HDAC4: variants seen among roughly 807,000 people sequenced by gnomAD.
HDAC4 encodes the protein histone deacetylase 4.
A neutral mutation model predicts 135.1 loss-of-function variants in HDAC4; 16 were observed. That is an observed-to-expected ratio of 0.12 (90% confidence interval 0.08 to 0.18). The LOEUF is 0.18. HDAC4 is among the 10% of genes least tolerant of loss of function. HDAC4 has a pLI of 1.00. For missense variants in HDAC4, 1,143 were observed against 1,511.8 expected, an observed-to-expected ratio of 0.76 and a Z score of 4.05; for synonymous variants, 685 against 653.4, an observed-to-expected ratio of 1.05 and a Z score of -0.74.
intron 1 of HDAC4, among the ~76,000 whole-genome samples, chr2:239,353,536 G>A (rs981336223): frequency 3.3e-5 from 5 of 152,082 alleles, no homozygotes; most frequent in Admixed American, 6.5e-5. Flanking sequence ...TATTTAGCAG[G>A]ATCCTGGGCC....
intron 1 of HDAC4, among the ~76,000 whole-genome samples, chr2:239,383,944 G>A (rs545107425): frequency 1.9e-4 from 29 of 152,344 alleles, no homozygotes; most frequent in African/African-American, 6.0e-4. Flanking sequence ...AGGGCAGGGC[G>A]GCTGGAAGAG....
At chr2:239,298,619 AG>A in intron 2 of HDAC4, 1 of 994,528 alleles carries the variant, frequency 1.0e-6, no homozygotes, top group Non-Finnish European at 1.2e-6. Flanking sequence ...CAGCAGTGAT[AG>A]GAACAGCCTG....
intron 2 of HDAC4, among the ~76,000 whole-genome samples, chr2:239,270,832 GCA>G (rs1200608124): frequency 6.6e-6 from 1 of 152,138 alleles, no homozygotes; most frequent in Non-Finnish European, 1.5e-5. Flanking sequence ...ACCAAAATAT[GCA>G]CAGACCTCCA....
chr2:239,201,716 C>G (rs1297790295), intron 3 of HDAC4, among the ~76,000 whole-genome samples: 1 of 152,172 alleles, frequency 6.6e-6, no homozygotes, highest in Non-Finnish European at 1.5e-5. Context: ...CCGGCCAAGC[C>G]CAGCCTGCTG....
intron 24 of HDAC4, among the ~76,000 whole-genome samples, chr2:239,065,019 C>G (rs924011383): frequency 1.3e-5 from 2 of 152,246 alleles, no homozygotes; most frequent in Non-Finnish European, 2.9e-5. Context: ...CCTGTGCGGC[C>G]TGACGTTTCC....
intron 19 of HDAC4, among the ~76,000 whole-genome samples, chr2:239,086,167 T>C (rs1228225778): frequency 1.5e-4 from 6 of 39,214 alleles, no homozygotes; most frequent in Non-Finnish European, 1.9e-4. Flanking sequence ...CTCTTCCCTG[T>C]ACACGAAGGA....
intron 1 of HDAC4, among the ~76,000 whole-genome samples, chr2:239,370,264 G>A (rs769856133): frequency 3.3e-5 from 5 of 152,192 alleles, no homozygotes; most frequent in East Asian, 1.9e-4. Flanking sequence ...AAAATGCTGC[G>A]CTGAGGGAGG....
chr2:239,198,659 T>G (rs1192004603), intron 3 of HDAC4, among the ~76,000 whole-genome samples: 2 of 152,218 alleles, frequency 1.3e-5, no homozygotes, highest in African/African-American at 4.8e-5. Flanking sequence ...ATCTGTTTTT[T>G]GGGTCTGCTG....
rs193300408 is a variant in HDAC4, at chr2:239,351,344, T to C, written c.22+1334A>G. On this transcript the variant is annotated intron_variant, in intron 2 of 26. Coordinates refer to ENST00000543185, the MANE Select transcript of HDAC4 (RefSeq NM_001378414.1). ...ACATACTGATACCAAAAGATGCTTA[T>C]AACACATTAAAATGGACAGAATGTA... Among the ~76,000 whole-genome samples, 57 of 152,312 alleles carry C rather than the reference T, an allele frequency of 3.7e-4. No homozygotes were observed. The East Asian group carries it at 8.9e-3, about 24-fold the overall frequency.
chr2:239,319,552 AGC>A (rs2053238056), intron 2 of HDAC4, among the ~76,000 whole-genome samples: 2 of 152,226 alleles, frequency 1.3e-5, no homozygotes, highest in African/African-American at 4.8e-5. Context: ...AGTTAAAAGT[AGC>A]TTACCCGTGA....
intron 2 of HDAC4, among the ~76,000 whole-genome samples, chr2:239,347,221 G>A (rs916839866): frequency 2.0e-5 from 3 of 152,054 alleles, no homozygotes; most frequent in South Asian, 2.1e-4. Flanking sequence ...TAATCTTGGC[G>A]GCCACAATAG....
intron 2 of HDAC4, among the ~76,000 whole-genome samples, chr2:239,264,170 T>A (rs1435407680): frequency 6.6e-6 from 1 of 152,166 alleles, no homozygotes; most frequent in Non-Finnish European, 1.5e-5. Flanking sequence ...CCAAAGGCCA[T>A]CCCAGACACC....
chr2:239,206,806 T>G (rs896065498), intron 3 of HDAC4, among the ~76,000 whole-genome samples: 20 of 152,210 alleles, frequency 1.3e-4, no homozygotes, highest in African/African-American at 4.6e-4. Flanking sequence ...AAAGTGATTT[T>G]AAACACCATC....
At chr2:239,111,841 G>T (rs906753369) in intron 13 of HDAC4, 129 bp from the exon 14 acceptor site, 9 of 866,940 alleles carry the variant, frequency 1.0e-5, no homozygotes, top group East Asian at 8.0e-5. Context: ...CAAGGATGCC[G>T]GGAGGCCAGC....
At chr2:239,297,012 CTGTT>C (rs1185975078) in intron 2 of HDAC4, among the ~76,000 whole-genome samples, 4 of 100,136 alleles carry the variant, frequency 4.0e-5, no homozygotes, top group African/African-American at 1.5e-4. Context: ...ACTCCCATTT[CTGTT>C]TGTTTTCATG....
chr2:239,302,193 T>C (rs2052306979), intron 2 of HDAC4, among the ~76,000 whole-genome samples: 1 of 152,168 alleles, frequency 6.6e-6, no homozygotes, highest in African/African-American at 2.4e-5. Context: ...TGCTTAGAAC[T>C]CTGTCCTGAT....
intron 2 of HDAC4, among the ~76,000 whole-genome samples, chr2:239,292,720 T>G (rs2051602421): frequency 6.6e-6 from 1 of 152,032 alleles, no homozygotes; most frequent in Non-Finnish European, 1.5e-5. Flanking sequence ...TACTGTTTCT[T>G]TTTTGTTTCT....
rs1376069629 is a variant in HDAC4 at position 239,079,946 on chromosome 2, C to T, written c.2750+1149G>A. Among the ~76,000 whole-genome samples the T allele has an allele frequency of 2.0e-5, 3 of 148,492 alleles. 1 individual carries two copies. Among genetic ancestry groups the T allele is most frequent in the African/African-American group, 7.9e-5 (3 of 37,926 alleles). The stretch of plus-strand genomic sequence containing the variant: ...ACACAGACATGCATCCACACCCACA[C>T]AGATGTGTGTAACACACATAGGCAT... On this transcript the variant is annotated intron_variant, in intron 22 of 26. Coordinates refer to ENST00000543185, the MANE Select transcript of HDAC4 (RefSeq NM_001378414.1).
intron 3 of HDAC4, among the ~76,000 whole-genome samples, chr2:239,191,331 A>G (rs1044267143): frequency 3.3e-5 from 5 of 152,256 alleles, no homozygotes; most frequent in African/African-American, 1.2e-4. Context: ...CCTGACACTC[A>G]GCCCGTCTCT....
Sources: gnomAD v4.1 joint callset for allele counts (sites outside exome capture counted in the v4.1 genomes callset) on GRCh38, gnomAD v4.1.1 for gene constraint, MANE v1.5 for transcripts, NCBI Gene and HGNC (gene_info 2026-07-23, HGNC 2026-07-21) for gene names.